CYP1B1: variants seen among roughly 807,000 people sequenced by gnomAD.
CYP1B1 encodes cytochrome P450 1B1.
CYP1B1 carries 22 observed loss-of-function variants against 29.9 expected under a neutral mutation model. The observed-to-expected ratio is 0.74, with a 90% confidence interval of 0.53 to 1.05. The LOEUF is 1.05. CYP1B1 is among the 50% of genes least tolerant of loss of function. CYP1B1 has a pLI of 0.00. For synonymous variants in CYP1B1, 375 were observed against 320.0 expected, an observed-to-expected ratio of 1.17 and a Z score of -1.83; for missense variants, 883 against 746.9, an observed-to-expected ratio of 1.18 and a Z score of -2.12.
chr2:38,074,297 C>A (rs754926722), intron 2 of CYP1B1, 49 bp downstream of exon 2: 3 of 1,592,856 alleles, frequency 1.9e-6, no homozygotes, highest in Non-Finnish European at 2.6e-6. Context: ...CTCTACTCCG[C>A]CTTTTTCAGA....
chr2:38,074,209 G>A, intron 2 of CYP1B1, 137 bp downstream of exon 2: 1 of 972,906 alleles, frequency 1.0e-6, no homozygotes, highest in Non-Finnish European at 1.5e-6. Context: ...TTACCGACGC[G>A]ATCTTGGTTT....
Position 38,074,678 on chromosome 2 carries a change from C to G in CYP1B1, c.711G>C (p.Ala237=). Residue 237 remains alanine (A), a synonymous_variant, in exon 2 of 3, where the codon GCG becomes GCC. Coordinates refer to ENST00000610745, the MANE Select transcript of CYP1B1 (RefSeq NM_000104.4). ...HNEEFGRTVG[A]GSLVDVMPWL... ...AGGGCATCACGTCCACCAGGCTGCC[C>G]GCGCCCACCGTGCGCCCGAACTCTT... 6.2e-7 allele frequency: 1 copy of G among 1,612,916 alleles called. No individual in the cohort carries two copies. The highest frequency in any genetic ancestry group is 8.5e-7 in the Non-Finnish European group (1 of 1,179,970).
Position 38,074,921 on chromosome 2 carries a change from G to T in CYP1B1, c.468C>A (p.Phe156Leu). 1 of 1,559,616 alleles carries T rather than the reference G, an allele frequency of 6.4e-7. No homozygotes were observed. Among genetic ancestry groups the T allele is most frequent in the Non-Finnish European group, 8.6e-7 (1 of 1,158,410 alleles). Residue 156 changes from phenylalanine (F) to leucine (L), a missense_variant, in exon 2 of 3, where the codon TTC becomes TTA. Phe to Leu is a conservative substitution (Grantham distance 22, BLOSUM62 0). Transcript: ENST00000610745. ...RAAHSMMRNF[F>L]TRQPRSRQVL... ...CTTGGCGGCTGCGCGGCTGGCGCGT[G>T]AAGAAGTTGCGCATCATGCTGTGGG...
At chr2:38,073,950 T>C (rs1682477001) in intron 2 of CYP1B1, 1 of 255,976 alleles carries the variant, frequency 3.9e-6, no homozygotes, top group Non-Finnish European at 7.6e-6. Context: ...GTTTAACATA[T>C]TTATGACATT....
rs142248185 is a variant in CYP1B1 at position 38,074,912 on chromosome 2, C to A, written c.477G>T (p.Gln159His). 2.8e-5 allele frequency: 43 copies of A among 1,555,914 alleles called. 1 individual carries two copies. The East Asian group carries it at 8.6e-4, about 31-fold the overall frequency. Residue 159 changes from glutamine to histidine, a missense_variant, in exon 2 of 3, where the codon CAG becomes CAT. Physicochemically the swap from Gln to His is conservative, Grantham distance 24 (BLOSUM62 0). Coordinates refer to ENST00000610745, the MANE Select transcript of CYP1B1 (RefSeq NM_000104.4). Reference sequence around the variant, plus strand: ...CCTCGAGGACTTGGCGGCTGCGCGGCTGGCGCGTGAAGAAGTTGCGCATCA... The same window carrying A: ...CCTCGAGGACTTGGCGGCTGCGCGGATGGCGCGTGAAGAAGTTGCGCATCA... Reference protein sequence around the residue: ...HSMMRNFFTRQPRSRQVLEGH... With the variant: ...HSMMRNFFTRHPRSRQVLEGH...
intron 1 of CYP1B1, 29 bp downstream of exon 1, chr2:38,075,751 C>G: frequency 3.2e-6 from 1 of 311,784 alleles, no homozygotes; most frequent in South Asian, 3.8e-5. Flanking sequence ...GAAGAGGTCG[C>G]CGGGCAGCGC....
chr2:38,070,470 T>C lies in CYP1B1; in HGVS notation c.*252A>G. ...ACCTTCAGAAATAACCAAGATGCAG[T>C]ATGTATATAATAATTCATTGGGCCC... On this transcript the variant is annotated 3_prime_UTR_variant, in exon 3 of 3. Transcript: ENST00000610745. 1.9e-6 allele frequency: 1 copy of C among 527,072 alleles called. No individual in the cohort carries two copies. Among genetic ancestry groups the C allele is most frequent in the East Asian group, 3.2e-5 (1 of 30,914 alleles). The allele number at this position is 527,072 out of a possible 1,614,324, so 32.6% of individuals were successfully genotyped here. A position where few individuals can be genotyped will look rare whatever the true frequency, so the allele number is the denominator to read the frequency against.
rs1177366364 is a variant in CYP1B1, at chr2:38,075,018, C to A, written c.371G>T (p.Arg124Leu). 6.3e-7 allele frequency: 1 copy of A among 1,591,926 alleles called. No homozygotes were observed. The highest frequency in any genetic ancestry group is 1.1e-5 in the South Asian group (1 of 90,050). ...FADRPAFASFRVVSGGRSMAF... is the reference protein window; with the variant it reads ...FADRPAFASFLVVSGGRSMAF... ...CATGCTGCGGCCGCCGGACACCACA[C>A]GGAAGGAGGCGAAGGCCGGCCGGTC... The change falls in exon 2 of 3, where the codon CGT becomes CTT. Residue 124 changes from arginine to leucine, a missense_variant. By Grantham distance (102) the Arg-to-Leu change is moderately radical. Transcript: ENST00000610745.
rs753629193 is a variant in CYP1B1, at chr2:38,074,460, C to T, written c.929G>A (p.Gly310Asp). The T allele has an allele frequency of 1.9e-5, 31 of 1,613,038 alleles. No individual in the cohort carries two copies. The highest frequency in any genetic ancestry group is 1.4e-5 in the Non-Finnish European group (17 of 1,179,814). The change falls in exon 2 of 3, where the codon GGT becomes GAT. Residue 310 changes from glycine (G) to aspartate (D), a missense_variant. Physicochemically the swap from Gly to Asp is moderately conservative, Grantham distance 94. Transcript: ENST00000610745. ...AEKKAAGDSH[G>D]GGARLDLENV... The stretch of plus-strand genomic sequence containing the variant: ...CTCCAAATCCAGCCGCGCGCCACCA[C>T]CGTGCGAGTCCCCGGCCGCCTTCTT...
Position 38,071,247 on chromosome 2 carries a change from C to T in CYP1B1, c.1107G>A (p.Leu369=). 1 of 1,613,136 alleles carries T rather than the reference C, an allele frequency of 6.2e-7. No individual in the cohort carries two copies. Among genetic ancestry groups the T allele is most frequent in the South Asian group, 1.1e-5 (1 of 91,084 alleles). Residue 369 remains leucine (L), a synonymous_variant, in exon 3 of 3, where the codon CTG becomes CTA. Coordinates refer to ENST00000610745, the MANE Select transcript of CYP1B1 (RefSeq NM_000104.4). The stretch of plus-strand genomic sequence containing the variant: ...GGTTGGGCTGGTCACCCATACAAGG[C>T]AGACGGTCCCTCCCCACGACCTGAT... The part of the protein sequence containing the change: ...ELDQVVGRDR[L]PCMGDQPNLP...
In CYP1B1 at chr2:38,067,530, T is replaced by G. The variant is rs1682330439; in HGVS notation, c.*3192A>C. 1 of 166,218 alleles carries G rather than the reference T, an allele frequency of 6.0e-6. No individual in the cohort carries two copies. 10.3% of individuals were successfully genotyped at this position (166,218 alleles called of 1,614,324 possible). On this transcript the variant is annotated 3_prime_UTR_variant, in exon 3 of 3. Transcript: ENST00000610745. ...AATGTTTACAGTGCAATATTTTAAT[T>G]GAATAATCCATAGTAATAGTTGAAA...
In CYP1B1 at chr2:38,071,246, G is replaced by A; in HGVS notation, c.1108C>T (p.Pro370Ser). 1 of 1,613,106 alleles carries A rather than the reference G, an allele frequency of 6.2e-7. No individual in the cohort carries two copies. Among genetic ancestry groups the A allele is most frequent in the South Asian group, 1.1e-5 (1 of 91,084 alleles). ...AGGTTGGGCTGGTCACCCATACAAG[G>A]CAGACGGTCCCTCCCCACGACCTGA... ...LDQVVGRDRL[P>S]CMGDQPNLPY... The change falls in exon 3 of 3, where the codon CCT (proline) becomes TCT (serine). Residue 370 changes from proline (P) to serine (S), a missense_variant. Pro to Ser is a moderately conservative substitution (Grantham distance 74, BLOSUM62 -1). Transcript: ENST00000610745.
rs986107176 is a variant in CYP1B1 at position 38,069,524 on chromosome 2, T to C, written c.*1198A>G. 2 of 196,302 alleles carry C rather than the reference T, an allele frequency of 1.0e-5. No homozygotes were observed. The highest frequency in any genetic ancestry group is 2.1e-5 in the Non-Finnish European group (2 of 94,748). 12.2% of individuals were successfully genotyped at this position (196,302 alleles called of 1,614,324 possible). ...GAATTTGGAATTTTAATATATTAAT[T>C]AGGTTATTTTCAAAACAAGATTCTG... On this transcript the variant is annotated 3_prime_UTR_variant, in exon 3 of 3. Transcript: ENST00000610745.
Position 38,074,973 on chromosome 2 carries a change from T to C in CYP1B1, c.416A>G (p.Glu139Gly). The C allele has an allele frequency of 6.3e-7, 1 of 1,584,290 alleles. No homozygotes were observed. Among genetic ancestry groups the C allele is most frequent in the South Asian group, 1.1e-5 (1 of 88,784 alleles). ...TGCGCGCCGCTGCACCTTCCAGTGC[T>C]CCGAGTAGTGGCCGAAAGCCATGCT... is the stretch of plus-strand genomic sequence containing the variant. The part of the protein sequence containing the change: ...GRSMAFGHYS[E>G]HWKVQRRAAH... The change falls in exon 2 of 3, where the codon GAG becomes GGG. Residue 139 changes from glutamate (E) to glycine (G), a missense_variant. Transcript: ENST00000610745.
chr2:38,075,215 T>A lies in CYP1B1; in HGVS notation c.174A>T (p.Pro58=). 6 of 1,582,334 alleles carry A rather than the reference T, an allele frequency of 3.8e-6. No homozygotes were observed. The highest frequency in any genetic ancestry group is 5.1e-6 in the Non-Finnish European group (6 of 1,170,570). ...RSAPPGPFAW[P]LIGNAAAVGQ... is the part of the protein sequence containing the mutation. ...CCACCGCCGCCGCGTTTCCGATCAG[T>A]GGCCACGCAAACGGGCCCGGGGGCG... The change falls in exon 2 of 3, where the codon CCA becomes CCT. Residue 58 remains proline (P), a synonymous_variant. Coordinates refer to ENST00000610745, the MANE Select transcript of CYP1B1 (RefSeq NM_000104.4).
intron 2 of CYP1B1, chr2:38,073,964 T>C: frequency 3.5e-6 from 1 of 283,774 alleles, no homozygotes; most frequent in Non-Finnish European, 6.7e-6. Context: ...TGACATTACC[T>C]TTTCTTTCGG....
chr2:38,075,416 C>G (rs762576790), intron 1 of CYP1B1, 27 bp from the exon 2 acceptor site: 3 of 1,607,074 alleles, frequency 1.9e-6, no homozygotes, highest in East Asian at 2.2e-5. Context: ...GAAGGCGTGA[C>G]ACTCAGGGGT....
chr2:38,072,109 A>G (rs1048209121), intron 2 of CYP1B1, among the ~76,000 whole-genome samples: 5 of 152,270 alleles, frequency 3.3e-5, no homozygotes, highest in African/African-American at 1.2e-4. Context: ...AATACGAGGC[A>G]AGAGACATGA....
Position 38,074,824 on chromosome 2 carries a change from C to T in CYP1B1, c.565G>A (p.Ala189Thr). Reference sequence around the variant, plus strand: ...GTCAGCGGCCTCGGGTCGAGGAAGGCGCCGTCCGCGCTGCCGCGCACCAGC... The same window carrying T: ...GTCAGCGGCCTCGGGTCGAGGAAGGTGCCGTCCGCGCTGCCGCGCACCAGC... ...ALLVRGSADG[A>T]FLDPRPLTVV... The change falls in exon 2 of 3, where the codon GCC becomes ACC. Residue 189 changes from alanine (A) to threonine (T), a missense_variant. Coordinates refer to ENST00000610745, the MANE Select transcript of CYP1B1 (RefSeq NM_000104.4). 2.6e-6 allele frequency: 4 copies of T among 1,566,814 alleles called. No individual in the cohort carries two copies. The highest frequency in any genetic ancestry group is 2.6e-6 in the Non-Finnish European group (3 of 1,156,642).
Sources: gnomAD v4.1 joint callset for allele counts (sites outside exome capture counted in the v4.1 genomes callset) on GRCh38, gnomAD v4.1.1 for gene constraint, MANE v1.5 for transcripts, NCBI Gene and HGNC (gene_info 2026-07-23, HGNC 2026-07-21) for gene names.